The following CRHBP variants were observed in gnomAD, a reference collection of about 807,000 sequenced individuals.
CRHBP encodes the protein corticotropin releasing hormone binding protein, also known as corticotropin-releasing hormone-binding protein.
In CRHBP, 19 loss-of-function variants were observed where a neutral mutation model predicts 34.9. That is an observed-to-expected ratio of 0.55 (90% CI 0.38 to 0.80). CRHBP has a LOEUF of 0.80. Ranked by LOEUF, CRHBP falls within the 30% of genes least tolerant of loss-of-function variation. The pLI is 0.00. For missense variants in CRHBP, 328 were observed against 409.2 expected (o/e 0.80, Z 1.71); for synonymous variants, 154 against 153.4 (o/e 1.00, Z -0.03).
intron 5 of CRHBP, among the ~76,000 whole-genome samples, chr5:76,960,834 G>A (rs552750864): frequency 5.9e-5 from 9 of 151,414 alleles, no homozygotes; most frequent in Middle Eastern, 3.4e-3. Context: ...ATGCAGTCTC[G>A]GCTCACTGCA....
chr5:76,961,613 A>C (rs1745775734), intron 5 of CRHBP, among the ~76,000 whole-genome samples: 1 of 152,186 alleles, frequency 6.6e-6, no homozygotes, highest in African/African-American at 2.4e-5. Context: ...AACCCAGTAC[A>C]TAGTAGGTAG....
chr5:76,961,736 GTTTT>G (rs772474985), intron 5 of CRHBP, among the ~76,000 whole-genome samples: 9 of 151,868 alleles, frequency 5.9e-5, no homozygotes, highest in Non-Finnish European at 2.9e-5. Context: ...GCTCTTCTGT[GTTTT>G]TTTGTTTGTT....
At chr5:76,956,815 T>C (rs1745678218) in intron 4 of CRHBP, among the ~76,000 whole-genome samples, 1 of 152,092 alleles carries the variant, frequency 6.6e-6, no homozygotes, top group African/African-American at 2.4e-5. Flanking sequence ...AAGGAACACA[T>C]ATCACTCATT....
In CRHBP at chr5:76,968,905, A is replaced by G. The variant is rs542228751; in HGVS notation, c.*20A>G. The G allele has an allele frequency of 1.3e-5, 21 of 1,607,150 alleles. No homozygotes were observed. In the African/African-American group the frequency reaches 2.5e-4, roughly 19 times the overall value. ...CTTTGAATAACCAACCCAGTGATTTACATGCTGATAGCTAAGTGAGTTTTT... is the reference window on the plus strand; with the variant it reads ...CTTTGAATAACCAACCCAGTGATTTGCATGCTGATAGCTAAGTGAGTTTTT... On this transcript the variant is annotated 3_prime_UTR_variant, in exon 7 of 7. Transcript: ENST00000274368.
At chr5:76,965,182 G>A (rs1745844212) in intron 6 of CRHBP, among the ~76,000 whole-genome samples, 1 of 152,104 alleles carries the variant, frequency 6.6e-6, no homozygotes, top group South Asian at 2.1e-4. Flanking sequence ...TAAGGGACTT[G>A]AACATCTGTG....
At chr5:76,960,408 G>T (rs1378165880) in intron 5 of CRHBP, among the ~76,000 whole-genome samples, 2 of 152,122 alleles carry the variant, frequency 1.3e-5, no homozygotes, top group Non-Finnish European at 2.9e-5. Flanking sequence ...GCCAGAGTGT[G>T]GTGAGCCCTG....
chr5:76,953,590 T>C lies in CRHBP; in HGVS notation c.82-11T>C. 2.5e-6 allele frequency: 4 copies of C among 1,611,582 alleles called. No individual in the cohort carries two copies. The highest frequency in any genetic ancestry group is 3.4e-6 in the Non-Finnish European group (4 of 1,178,972). On this transcript the variant is annotated splice_polypyrimidine_tract_variant and intron_variant, in intron 1 of 6. Coordinates refer to ENST00000274368, the MANE Select transcript of CRHBP (RefSeq NM_001882.4). Reference sequence around the variant, plus strand: ...TTGAACTTTTCCGGACTGACCTATGTTTCTTGCCAGCTGAGGGAAGCGGCG... The same window carrying C: ...TTGAACTTTTCCGGACTGACCTATGCTTCTTGCCAGCTGAGGGAAGCGGCG...
chr5:76,975,522 G>T (rs1746011288), intron 2 of CRHBP, among the ~76,000 whole-genome samples: 1 of 151,924 alleles, frequency 6.6e-6, no homozygotes, highest in East Asian at 1.9e-4. Flanking sequence ...TTAGGTCCTG[G>T]CCAGGCATGG....
At chr5:76,976,660 A>C (rs1561270044) in intron 3 of CRHBP, 2 of 152,204 alleles carry the variant, frequency 1.3e-5, no homozygotes, top group Non-Finnish European at 2.9e-5. Flanking sequence ...ACCACGCACC[A>C]GTCAAGGCAC....
intron 2 of CRHBP, among the ~76,000 whole-genome samples, chr5:76,974,958 C>T (rs1174732370): frequency 1.3e-5 from 2 of 152,304 alleles, no homozygotes; most frequent in Non-Finnish European, 2.9e-5. Context: ...AATCCCTCTG[C>T]AGCTGAAAAA....
intron 3 of CRHBP, among the ~76,000 whole-genome samples, chr5:76,977,865 C>T (rs1228134173): frequency 1.3e-5 from 2 of 152,248 alleles, no homozygotes; most frequent in African/African-American, 2.4e-5. Flanking sequence ...AAGTTGTGAA[C>T]GCCAAGGAAA....
chr5:76,967,699 T>A (rs1745879645), intron 6 of CRHBP, among the ~76,000 whole-genome samples: 1 of 151,434 alleles, frequency 6.6e-6, no homozygotes, highest in South Asian at 2.1e-4. Flanking sequence ...TGAATAAGAT[T>A]GGATTTTTTT....
At chr5:76,953,722 C>T (rs1365771779) in intron 2 of CRHBP, 28 bp downstream of exon 2, 1 of 1,575,436 alleles carries the variant, frequency 6.3e-7, no homozygotes, top group Middle Eastern at 1.8e-4. Flanking sequence ...GGCTCGCGGG[C>T]GCCCGGGACG....
In CRHBP at chr5:76,963,327, T is replaced by C; in HGVS notation, c.694-16T>C. On this transcript the variant is annotated splice_polypyrimidine_tract_variant and intron_variant, in intron 5 of 6. Coordinates refer to ENST00000274368, the MANE Select transcript of CRHBP (RefSeq NM_001882.4). ...TTGGTTTAAATGTGTCTTTCTCTGC[T>C]GCTTTATTCCCTTAGAAATCCTCAG... is the stretch of plus-strand genomic sequence containing the variant. The C allele has an allele frequency of 2.5e-6, 4 of 1,608,636 alleles. No homozygotes were observed. The highest frequency in any genetic ancestry group is 3.4e-6 in the Non-Finnish European group (4 of 1,175,106).
chr5:76,968,334 AGAGGGCCGTACTG>A (rs1580097197), intron 6 of CRHBP, among the ~76,000 whole-genome samples: 1 of 151,670 alleles, frequency 6.6e-6, no homozygotes, highest in African/African-American at 2.4e-5. Flanking sequence ...ACCTGTCCTT[AGAGGGCCGTACTG>A]TTTCCACTGC....
At chr5:76,953,878 G>C in intron 2 of CRHBP, 151 bp from the exon 3 acceptor site, 1 of 1,179,962 alleles carries the variant, frequency 8.5e-7, no homozygotes, top group Non-Finnish European at 1.2e-6. Flanking sequence ...TGGCGCGCCC[G>C]GGGCGCAGGA....
At chr5:76,968,158 C>G (rs1745887650) in intron 6 of CRHBP, among the ~76,000 whole-genome samples, 1 of 149,816 alleles carries the variant, frequency 6.7e-6, no homozygotes, top group African/African-American at 2.5e-5. Flanking sequence ...ATGTATAAAA[C>G]AGTTTTTGTA....
At chr5:76,963,089 CT>C in intron 5 of CRHBP, 1 of 391,884 alleles carries the variant, frequency 2.6e-6, no homozygotes, top group Non-Finnish European at 4.6e-6. Flanking sequence ...AGTCCTTGAG[CT>C]TAAAAAAAAT....
intron 5 of CRHBP, among the ~76,000 whole-genome samples, chr5:76,959,225 C>T (rs998879328): frequency 2.0e-5 from 3 of 151,828 alleles, no homozygotes; most frequent in Non-Finnish European, 4.4e-5. Flanking sequence ...CCTAGCAGAA[C>T]GTAGTGTGAG....
Sources: gnomAD v4.1 joint callset for allele counts (sites outside exome capture counted in the v4.1 genomes callset) on GRCh38, gnomAD v4.1.1 for gene constraint, MANE v1.5 for transcripts, NCBI Gene and HGNC (gene_info 2026-07-23, HGNC 2026-07-21) for gene names.